PTPRD: variants seen among roughly 807,000 people sequenced by gnomAD.
PTPRD encodes the protein receptor-type tyrosine-protein phosphatase delta.
A neutral mutation model predicts 214.5 loss-of-function variants in PTPRD; 34 were observed. That is an observed-to-expected ratio of 0.16 (90% CI 0.12 to 0.21). The LOEUF (loss-of-function observed/expected upper bound fraction) is 0.21. Among genes scored for constraint, PTPRD ranks in the 10% least tolerant of loss-of-function variants. The probability of loss-of-function intolerance (pLI) is 1.00; values close to 1 mark genes in which losing one functional copy is unlikely to be tolerated. For synonymous variants in PTPRD, 1,128 were observed against 845.7 expected, an observed-to-expected ratio of 1.33 and a Z score of -5.79; for missense variants, 2,545 against 2,398.7, an observed-to-expected ratio of 1.06 and a Z score of -1.27.
intron 2 of PTPRD, among the ~76,000 whole-genome samples, chr9:10,449,077 C>T (rs1245600793): frequency 6.6e-6 from 1 of 151,818 alleles, no homozygotes; most frequent in East Asian, 1.9e-4. Context: ...CCACGGTCTC[C>T]CTCTGATGCC....
chr9:9,530,175 A>C (rs2154263265), intron 8 of PTPRD, among the ~76,000 whole-genome samples: 1 of 152,298 alleles, frequency 6.6e-6, no homozygotes, highest in African/African-American at 2.4e-5. Context: ...TAAATGAAAT[A>C]GTGACTAAAA....
chr9:9,863,596 A>C (rs181514269), intron 5 of PTPRD, among the ~76,000 whole-genome samples: 37 of 152,294 alleles, frequency 2.4e-4, no homozygotes, highest in Non-Finnish European at 3.7e-4. Flanking sequence ...GCTTCAGAGG[A>C]GGCAAACTTG....
chr9:8,487,764 C>G (rs994478344), intron 27 of PTPRD, among the ~76,000 whole-genome samples: 5 of 152,074 alleles, frequency 3.3e-5, no homozygotes, highest in Admixed American at 3.3e-4. Flanking sequence ...GAGCCGAGAT[C>G]ATGCCACTGC....
At chr9:9,588,281 CT>C (rs1298152638) in intron 7 of PTPRD, among the ~76,000 whole-genome samples, 4 of 151,876 alleles carry the variant, frequency 2.6e-5, no homozygotes, top group Non-Finnish European at 1.5e-5. Context: ...CATAAATGAC[CT>C]GCTGATTTCA....
At chr9:9,228,082 T>C (rs1445486251) in intron 9 of PTPRD, among the ~76,000 whole-genome samples, 2 of 152,152 alleles carry the variant, frequency 1.3e-5, no homozygotes, top group African/African-American at 4.8e-5. Context: ...CTGGGCACAG[T>C]AGCCCATACA....
At chr9:9,809,671 A>G (rs932124562) in intron 5 of PTPRD, among the ~76,000 whole-genome samples, 2 of 152,170 alleles carry the variant, frequency 1.3e-5, no homozygotes, top group African/African-American at 2.4e-5. Context: ...TGAGAATGTA[A>G]CATCAGTTGA....
chr9:8,832,710 T>C (rs1407894872), intron 11 of PTPRD, among the ~76,000 whole-genome samples: 1 of 152,088 alleles, frequency 6.6e-6, no homozygotes, highest in Non-Finnish European at 1.5e-5. Flanking sequence ...AAATGTGAAA[T>C]CTTTCAACTG....
intron 12 of PTPRD, among the ~76,000 whole-genome samples, chr9:8,702,997 G>A (rs758180516): frequency 3.5e-4 from 54 of 152,340 alleles, no homozygotes; most frequent in Admixed American, 7.2e-4. Flanking sequence ...GGATTGACTG[G>A]AGAAGTTTGT....
chr9:10,037,615 A>G (rs922675649), intron 3 of PTPRD, among the ~76,000 whole-genome samples: 1 of 151,750 alleles, frequency 6.6e-6, no homozygotes, highest in Non-Finnish European at 1.5e-5. Flanking sequence ...TAATTCAGAA[A>G]CTGACACATT....
At chr9:9,370,308 C>T (rs1472786205) in intron 9 of PTPRD, among the ~76,000 whole-genome samples, 1 of 152,002 alleles carries the variant, frequency 6.6e-6, no homozygotes, top group Non-Finnish European at 1.5e-5. Flanking sequence ...TTGTAGTTCT[C>T]CTTGAAGAGG....
chr9:10,437,781 A>T (rs1588167544), intron 2 of PTPRD, among the ~76,000 whole-genome samples: 1 of 151,194 alleles, frequency 6.6e-6, no homozygotes, highest in African/African-American at 2.4e-5. Flanking sequence ...TCAGATATAT[A>T]TATATCTGAT....
At chr9:10,312,974 G>A (rs1466323315) in intron 3 of PTPRD, among the ~76,000 whole-genome samples, 4 of 151,872 alleles carry the variant, frequency 2.6e-5, no homozygotes, top group South Asian at 2.1e-4. Flanking sequence ...GTCTGTCAAT[G>A]GTCCTGACAC....
rs943507648 is a variant in PTPRD, at chr9:9,578,042, T to C, written c.-286-3261A>G. On this transcript the variant is annotated intron_variant, in intron 7 of 45. Coordinates refer to ENST00000381196, the MANE Select transcript of PTPRD (RefSeq NM_002839.4). ...GCCTTGGTGACAGAGTAAGACTCTG[T>C]CTCAAAAAAAAAAAAAAAAAAAAAA... Among the ~76,000 whole-genome samples the C allele has an allele frequency of 2.3e-3, 114 of 49,402 alleles. 3 individuals carry two copies. Among genetic ancestry groups the C allele is most frequent in the African/African-American group, 0.01 (111 of 10,946 alleles). 32.4% of individuals were successfully genotyped at this position (49,402 alleles called of 152,430 possible). A position where few individuals can be genotyped will look rare whatever the true frequency, so the allele number is the denominator to read the frequency against.
intron 8 of PTPRD, among the ~76,000 whole-genome samples, chr9:9,451,184 A>C (rs989115121): frequency 3.3e-5 from 5 of 151,808 alleles, no homozygotes. Flanking sequence ...ACACAGAAGG[A>C]AAAGCCCAAG....
chr9:8,364,750 T>G (rs2079377043), intron 39 of PTPRD, among the ~76,000 whole-genome samples: 1 of 152,256 alleles, frequency 6.6e-6, no homozygotes, highest in Non-Finnish European at 1.5e-5. Flanking sequence ...GATTTTCTGC[T>G]GCGGTAGCCT....
intron 11 of PTPRD, among the ~76,000 whole-genome samples, chr9:8,974,756 A>ATAC (rs2099258541): frequency 6.6e-6 from 1 of 152,092 alleles, no homozygotes; most frequent in East Asian, 1.9e-4. Context: ...CTATTAGTAT[A>ATAC]TAATAGTATA....
Position 9,330,276 on chromosome 9 carries a change from T to A in PTPRD, c.-203+67173A>T, listed in dbSNP as rs72698841. Among the ~76,000 whole-genome samples, 641 of 152,216 alleles carry A rather than the reference T, an allele frequency of 4.2e-3. 3 individuals are homozygous for A. Among genetic ancestry groups the A allele is most frequent in the Non-Finnish European group, 5.1e-3 (349 of 68,006 alleles). ...CACTGGCTTAATGTCTGCCTTCTAT[T>A]CTCAAATGACTTTCCTTTAAAAAAA... On this transcript the variant is annotated intron_variant, in intron 9 of 45. Coordinates refer to ENST00000381196, the MANE Select transcript of PTPRD (RefSeq NM_002839.4).
At chr9:8,639,409 C>G (rs1564899195) in intron 12 of PTPRD, among the ~76,000 whole-genome samples, 1 of 151,084 alleles carries the variant, frequency 6.6e-6, no homozygotes, top group Non-Finnish European at 1.5e-5. Flanking sequence ...TTTTAGCTAC[C>G]TTCCTTTTCT....
At chr9:8,967,507 C>T (rs1201326477) in intron 11 of PTPRD, among the ~76,000 whole-genome samples, 1 of 151,912 alleles carries the variant, frequency 6.6e-6, no homozygotes, top group African/African-American at 2.4e-5. Flanking sequence ...AAATAAAAAC[C>T]ATGTCCTTTG....
Sources: allele counts gnomAD v4.1 joint callset (sites outside exome capture counted in the v4.1 genomes callset), GRCh38; gene constraint gnomAD v4.1.1; transcripts MANE v1.5; gene names NCBI Gene and HGNC (gene_info 2026-07-23, HGNC 2026-07-21).